The following ZNF277 variants were observed in gnomAD, a reference collection of about 807,000 sequenced individuals.
ZNF277 encodes the protein zinc finger protein 277, also known as nuclear receptor-interacting factor 4.
In ZNF277, 55 loss-of-function variants were observed where a neutral mutation model predicts 60.7. The observed-to-expected ratio is 0.91, with a 90% CI of 0.73 to 1.13. The LOEUF is 1.13. Among genes scored for constraint, ZNF277 ranks in the 50% most tolerant of loss-of-function variants. The pLI, the probability that ZNF277 is intolerant of heterozygous loss-of-function variation, is 0.00. For missense variants in ZNF277, 510 were observed against 523.0 expected, an observed-to-expected ratio of 0.98 and a Z score of 0.24; for synonymous variants, 178 against 179.3, an observed-to-expected ratio of 0.99 and a Z score of 0.06.
At chr7:112,303,548 CT>C (rs1792527176) in intron 4 of ZNF277, among the ~76,000 whole-genome samples, 2 of 151,882 alleles carry the variant, frequency 1.3e-5, no homozygotes, top group Admixed American at 1.3e-4. Context: ...TTTCTTTTTC[CT>C]TTTTCTTCTA....
intron 1 of ZNF277, among the ~76,000 whole-genome samples, chr7:112,239,409 A>G (rs1427974144): frequency 6.6e-6 from 1 of 152,214 alleles, no homozygotes; most frequent in Non-Finnish European, 1.5e-5. Flanking sequence ...AATAGTTGCC[A>G]CAGGCCTCTG....
intron 2 of ZNF277, among the ~76,000 whole-genome samples, chr7:112,293,490 G>A (rs983380057): frequency 6.6e-6 from 1 of 151,502 alleles, no homozygotes; most frequent in Non-Finnish European, 1.5e-5. Flanking sequence ...GAGGTGGGGA[G>A]GATGTCTTCA....
chr7:112,297,782 T>TTG (rs1215466904), intron 4 of ZNF277, among the ~76,000 whole-genome samples: 1 of 152,202 alleles, frequency 6.6e-6, no homozygotes, highest in Admixed American at 6.6e-5. Context: ...TCACTGTTGC[T>TTG]AACAGTGGCC....
chr7:112,277,385 A>G (rs1791830557), intron 1 of ZNF277, among the ~76,000 whole-genome samples: 1 of 152,132 alleles, frequency 6.6e-6, no homozygotes, highest in Non-Finnish European at 1.5e-5. Context: ...CCTGGCCAAG[A>G]ATCTATTAAT....
intron 1 of ZNF277, among the ~76,000 whole-genome samples, chr7:112,207,141 C>G (rs192469491): frequency 9.4e-4 from 143 of 152,220 alleles, no homozygotes; most frequent in Non-Finnish European, 1.5e-3. Flanking sequence ...TGGTTCAGAT[C>G]TGGTTCGCGC....
In ZNF277 at chr7:112,234,288, G is replaced by A. The variant is rs190065349; in HGVS notation, c.91+27481G>A. Reference sequence around the variant, plus strand: ...ACTCTAGCAAAATGCCACAAACTGCGTGGCTTGTAAACAACAAGAATTTAT... The same window carrying A: ...ACTCTAGCAAAATGCCACAAACTGCATGGCTTGTAAACAACAAGAATTTAT... On this transcript the variant is annotated intron_variant, in intron 1 of 11. Transcript: ENST00000361822. Among the ~76,000 whole-genome samples, 103 of 152,268 alleles carry A rather than the reference G, an allele frequency of 6.8e-4. 2 individuals are homozygous for A. The highest frequency in any genetic ancestry group is 2.4e-3 in the African/African-American group (98 of 41,546).
intron 1 of ZNF277, among the ~76,000 whole-genome samples, chr7:112,221,148 G>A (rs778916812): frequency 4.6e-5 from 7 of 152,148 alleles, no homozygotes; most frequent in Non-Finnish European, 1.0e-4. Flanking sequence ...TGCCGCTCCC[G>A]ATTGGGCTAA....
Position 112,294,430 on chromosome 7 carries a change from G to C in ZNF277, c.294-1439G>C, listed in dbSNP as rs538961245. ...AGCCAGTGAGTTAGCCAAGGAGTAG[G>C]GTGCATCATTTATATATTTGTGGTT... On this transcript the variant is annotated intron_variant, in intron 2 of 11. Coordinates refer to ENST00000361822, the MANE Select transcript of ZNF277 (RefSeq NM_021994.3). 7.2e-5 allele frequency among the ~76,000 whole-genome samples: 11 copies of C among 152,170 alleles called. No individual in the cohort carries two copies. The South Asian group carries it at 1.5e-3, about 20-fold the overall frequency.
At chr7:112,334,741 T>C (rs1442136939) in intron 7 of ZNF277, among the ~76,000 whole-genome samples, 1 of 152,140 alleles carries the variant, frequency 6.6e-6, no homozygotes, top group Non-Finnish European at 1.5e-5. Flanking sequence ...AATGATCAAA[T>C]CACAGAAGGC....
At chr7:112,245,254 G>A (rs10234035) in intron 1 of ZNF277, among the ~76,000 whole-genome samples, 6,584 of 152,218 alleles carry the variant, frequency 0.043, 339 homozygotes, top group African/African-American at 0.13. Context: ...ACAGCAGTCA[G>A]CACGTACATT....
chr7:112,225,214 G>A (rs2116968375), intron 1 of ZNF277, among the ~76,000 whole-genome samples: 1 of 152,298 alleles, frequency 6.6e-6, no homozygotes, highest in East Asian at 1.9e-4. Flanking sequence ...CTTGAGGCTG[G>A]AACAGAGCCA....
chr7:112,295,363 G>C (rs1792300018), intron 2 of ZNF277, among the ~76,000 whole-genome samples: 1 of 152,114 alleles, frequency 6.6e-6, no homozygotes, highest in Admixed American at 6.6e-5. Flanking sequence ...TTCAGACTCA[G>C]TGTAGACATA....
chr7:112,288,979 A>AG (rs397969052), intron 2 of ZNF277: 4 of 149,914 alleles, frequency 2.7e-5, no homozygotes, highest in Non-Finnish European at 5.9e-5. Flanking sequence ...AAAAAAAAAA[A>AG]GAAGAGTATG....
intron 2 of ZNF277, among the ~76,000 whole-genome samples, chr7:112,290,991 C>G (rs977108002): frequency 2.6e-5 from 4 of 152,110 alleles, no homozygotes; most frequent in Non-Finnish European, 4.4e-5. Context: ...AAGAGATGGA[C>G]TTACCTTGTG....
intron 1 of ZNF277, among the ~76,000 whole-genome samples, chr7:112,269,791 T>C (rs1791629006): frequency 6.6e-6 from 1 of 152,054 alleles, no homozygotes. Flanking sequence ...TTATCAAGGG[T>C]TTATCAAAAT....
At chr7:112,289,784 G>A (rs1333195714) in intron 2 of ZNF277, among the ~76,000 whole-genome samples, 5 of 151,918 alleles carry the variant, frequency 3.3e-5, no homozygotes, top group African/African-American at 1.2e-4. Flanking sequence ...GAGTGCAGTG[G>A]CACGACCTTG....
At chr7:112,218,629 C>T (rs1020449377) in intron 1 of ZNF277, among the ~76,000 whole-genome samples, 3 of 152,176 alleles carry the variant, frequency 2.0e-5, no homozygotes, top group African/African-American at 7.2e-5. Flanking sequence ...TTCCCCTCCC[C>T]CTAGCCCCTG....
intron 1 of ZNF277, among the ~76,000 whole-genome samples, chr7:112,268,042 T>G (rs939280324): frequency 3.9e-5 from 6 of 152,170 alleles, no homozygotes; most frequent in African/African-American, 7.2e-5. Flanking sequence ...AGGTACCTCA[T>G]GACAATTTGC....
In ZNF277 at chr7:112,337,765, C is replaced by T. The variant is rs1319187251; in HGVS notation, c.905C>T (p.Ala302Val). 6.2e-7 allele frequency: 1 copy of T among 1,612,482 alleles called. No homozygotes were observed. Among genetic ancestry groups the T allele is most frequent in the South Asian group, 1.1e-5 (1 of 91,054 alleles). Residue 302 changes from alanine to valine, a missense_variant, in exon 9 of 12, where the codon GCA becomes GTA. Ala to Val is a moderately conservative substitution (Grantham distance 64). Transcript: ENST00000361822. ...WSDWEEHPAS[A>V]VCLFCEKQAE... ...GATTGGGAAGAACACCCTGCCTCTG[C>T]AGTCTGCTTATTTTGTGAAAAGCAA... is the stretch of plus-strand genomic sequence containing the variant.
Sources: allele counts gnomAD v4.1 joint callset (sites outside exome capture counted in the v4.1 genomes callset), GRCh38; gene constraint gnomAD v4.1.1; transcripts MANE v1.5; gene names NCBI Gene and HGNC (gene_info 2026-07-23, HGNC 2026-07-21).